SLAIN2: variants seen among roughly 807,000 people sequenced by gnomAD.
SLAIN2 encodes the protein SLAIN motif-containing protein 2.
In SLAIN2, 31 loss-of-function variants were observed where a neutral mutation model predicts 56.6. The observed-to-expected ratio is 0.55, with a 90% CI of 0.41 to 0.74. The LOEUF is 0.74. Among genes scored for constraint, SLAIN2 ranks in the 30% least tolerant of loss-of-function variants. The probability of loss-of-function intolerance (pLI) is 0.00; values close to 1 mark genes in which losing one functional copy is unlikely to be tolerated. For missense variants in SLAIN2, 777 were observed against 754.2 expected (o/e 1.03, Z -0.35); for synonymous variants, 317 against 284.9 (o/e 1.11, Z -1.13).
chr4:48,351,501 A>G (rs1715008541), intron 1 of SLAIN2, among the ~76,000 whole-genome samples: 1 of 152,112 alleles, frequency 6.6e-6, no homozygotes, highest in South Asian at 2.1e-4. Flanking sequence ...TATACTTAGG[A>G]CTGATGGTGG....
At chr4:48,411,910 G>A (rs1425887732) in intron 6 of SLAIN2, among the ~76,000 whole-genome samples, 1 of 152,038 alleles carries the variant, frequency 6.6e-6, no homozygotes, top group Non-Finnish European at 1.5e-5. Flanking sequence ...TGTATTTTGG[G>A]CCTCATGGAG....
chr4:48,409,376 C>T (rs1716786286), intron 6 of SLAIN2, among the ~76,000 whole-genome samples: 1 of 152,150 alleles, frequency 6.6e-6, no homozygotes, highest in African/African-American at 2.4e-5. Context: ...TAGCTTAAAT[C>T]ACTTAGGTTT....
intron 1 of SLAIN2, among the ~76,000 whole-genome samples, chr4:48,348,069 A>G (rs935926799): frequency 2.0e-5 from 3 of 152,196 alleles, no homozygotes; most frequent in Admixed American, 6.5e-5. Context: ...TATTTAGCCT[A>G]TAGATATTTA....
intron 6 of SLAIN2, among the ~76,000 whole-genome samples, chr4:48,418,608 T>G (rs182914478): frequency 6.6e-6 from 1 of 152,340 alleles, no homozygotes; most frequent in African/African-American, 2.4e-5. Context: ...GATCCGAAGT[T>G]TTCTTTTTTG....
chr4:48,362,419 C>T (rs1472991493), intron 1 of SLAIN2, among the ~76,000 whole-genome samples: 1 of 149,378 alleles, frequency 6.7e-6, no homozygotes, highest in Non-Finnish European at 1.5e-5. Flanking sequence ...CCCTTTCTCT[C>T]TCTCTTTTTT....
At chr4:48,414,256 ATAACT>A (rs1432175076) in intron 6 of SLAIN2, among the ~76,000 whole-genome samples, 1 of 152,170 alleles carries the variant, frequency 6.6e-6, no homozygotes, top group Non-Finnish European at 1.5e-5. Context: ...ATTTTGGGTA[ATAACT>A]TAATATTTAC....
At chr4:48,403,755 G>C (rs999101689) in intron 6 of SLAIN2, among the ~76,000 whole-genome samples, 1 of 152,190 alleles carries the variant, frequency 6.6e-6, no homozygotes, top group Non-Finnish European at 1.5e-5. Flanking sequence ...CTAGGGTAAT[G>C]CATGGAGGGA....
chr4:48,344,685 A>G (rs1273471561), intron 1 of SLAIN2, among the ~76,000 whole-genome samples: 2 of 151,706 alleles, frequency 1.3e-5, no homozygotes, highest in African/African-American at 4.8e-5. Flanking sequence ...AGTCACTTTC[A>G]TACTCTTCTT....
At chr4:48,350,346 C>T (rs1376198613) in intron 1 of SLAIN2, among the ~76,000 whole-genome samples, 8 of 152,194 alleles carry the variant, frequency 5.3e-5, no homozygotes, top group East Asian at 1.9e-4. Context: ...CTTCCACTTA[C>T]GCAGACCCCT....
intron 4 of SLAIN2, among the ~76,000 whole-genome samples, chr4:48,380,752 T>C (rs750636340): frequency 5.9e-5 from 9 of 152,132 alleles, no homozygotes; most frequent in African/African-American, 7.2e-5. Flanking sequence ...GAAATACATA[T>C]GTTGACAAGT....
chr4:48,349,371 CAGTG>C (rs1391624639), intron 1 of SLAIN2, among the ~76,000 whole-genome samples: 2 of 152,158 alleles, frequency 1.3e-5, no homozygotes, highest in Non-Finnish European at 2.9e-5. Context: ...AACTGTAAAA[CAGTG>C]AGACCAGATT....
At chr4:48,359,404 A>C (rs1269907231) in intron 1 of SLAIN2, among the ~76,000 whole-genome samples, 1 of 152,254 alleles carries the variant, frequency 6.6e-6, no homozygotes. Context: ...TTTATCTTAA[A>C]TTTAAATCAT....
At chr4:48,408,603 A>T (rs1716765766) in intron 6 of SLAIN2, among the ~76,000 whole-genome samples, 1 of 151,896 alleles carries the variant, frequency 6.6e-6, no homozygotes, top group East Asian at 1.9e-4. Flanking sequence ...TAGAATAAGG[A>T]TATAAAGAAA....
chr4:48,401,795 G>C (rs913988605), intron 6 of SLAIN2, among the ~76,000 whole-genome samples: 51 of 152,228 alleles, frequency 3.4e-4, no homozygotes, highest in African/African-American at 1.1e-3. Context: ...TGTTATGTGT[G>C]TATTTGATCC....
rs1436174065 is a variant in SLAIN2 at position 48,363,432 on chromosome 4, C to T, written c.390-6417C>T. Among the ~76,000 whole-genome samples, 4 of 62,674 alleles carry T rather than the reference C, an allele frequency of 6.4e-5. 1 individual carries two copies. Among genetic ancestry groups the T allele is most frequent in the Non-Finnish European group, 1.1e-4 (3 of 26,178 alleles). The allele number at this position is 62,674 out of a possible 152,430, so 41.1% of individuals were successfully genotyped here. On this transcript the variant is annotated intron_variant, in intron 1 of 7. Coordinates refer to ENST00000264313, the MANE Select transcript of SLAIN2 (RefSeq NM_020846.2). Reference sequence around the variant, plus strand: ...CTCCCTCCCGGACGGGGCGGCTGGCCGGGCGGGGGGCTGACACCCCCACCT... The same window carrying T: ...CTCCCTCCCGGACGGGGCGGCTGGCTGGGCGGGGGGCTGACACCCCCACCT...
chr4:48,362,613 G>GT (rs1715357902), intron 1 of SLAIN2, among the ~76,000 whole-genome samples: 1 of 135,530 alleles, frequency 7.4e-6, no homozygotes, highest in South Asian at 2.2e-4. Context: ...TAGAAACAGG[G>GT]TTTCACCGTG....
At chr4:48,406,991 G>C (rs538706010) in intron 6 of SLAIN2, among the ~76,000 whole-genome samples, 1 of 152,030 alleles carries the variant, frequency 6.6e-6, no homozygotes, top group South Asian at 2.1e-4. Flanking sequence ...ATTCTGAGCT[G>C]ATTTTCCCAG....
At chr4:48,406,282 G>A (rs532257825) in intron 6 of SLAIN2, among the ~76,000 whole-genome samples, 45 of 152,294 alleles carry the variant, frequency 3.0e-4, no homozygotes, top group African/African-American at 6.3e-4. Context: ...GCTAGGAAAC[G>A]TGTAGGTTTG....
intron 1 of SLAIN2, among the ~76,000 whole-genome samples, chr4:48,364,196 C>T (rs1211304439): frequency 1.7e-5 from 1 of 60,530 alleles, no homozygotes. Flanking sequence ...ACCTCCCAGA[C>T]GGGGTCTCGG....
Sources: gnomAD v4.1 joint callset for allele counts (sites outside exome capture counted in the v4.1 genomes callset) on GRCh38, gnomAD v4.1.1 for gene constraint, MANE v1.5 for transcripts, NCBI Gene and HGNC (gene_info 2026-07-23, HGNC 2026-07-21) for gene names.